RTN4RL1: variants seen among roughly 807,000 people sequenced by gnomAD.
RTN4RL1 encodes reticulon-4 receptor-like 1.
A neutral mutation model predicts 25.6 loss-of-function variants in RTN4RL1; 7 were observed. The observed-to-expected ratio is 0.27, with a 90% CI of 0.16 to 0.51. RTN4RL1 has a LOEUF of 0.51. RTN4RL1 is among the 20% of genes least tolerant of loss of function. The probability of loss-of-function intolerance (pLI) is 0.97; values close to 1 mark genes in which losing one functional copy is unlikely to be tolerated. For synonymous variants in RTN4RL1, 297 were observed against 288.2 expected (o/e 1.03, Z -0.31); for missense variants, 500 against 615.6 (o/e 0.81, Z 1.99).
chr17:1,946,801 G>A (rs8079469), intron 1 of RTN4RL1, among the ~76,000 whole-genome samples: 3,791 of 140,442 alleles, frequency 0.027, 11 homozygotes, highest in South Asian at 0.04. Flanking sequence ...GAATGTGTGC[G>A]TCTCTGTGTG....
At chr17:1,954,287 CTG>C (rs553336182) in intron 1 of RTN4RL1, among the ~76,000 whole-genome samples, 51 of 152,032 alleles carry the variant, frequency 3.4e-4, no homozygotes, top group Admixed American at 2.8e-3. Flanking sequence ...CTGGGCAACT[CTG>C]TGATTTGGCT....
intron 1 of RTN4RL1, among the ~76,000 whole-genome samples, chr17:1,972,067 G>A (rs2066822813): frequency 1.4e-5 from 2 of 142,662 alleles, no homozygotes; most frequent in Admixed American, 1.4e-4. Flanking sequence ...GGGCCCAGGA[G>A]GTCAAGGCTG....
intron 1 of RTN4RL1, among the ~76,000 whole-genome samples, chr17:1,939,629 A>G (rs1915399908): frequency 6.6e-6 from 1 of 152,166 alleles, no homozygotes; most frequent in Non-Finnish European, 1.5e-5. Flanking sequence ...CTAATTGGGC[A>G]TTAATTAGGC....
intron 1 of RTN4RL1, among the ~76,000 whole-genome samples, chr17:1,978,425 G>A (rs1160465622): frequency 1.3e-5 from 2 of 152,258 alleles, no homozygotes; most frequent in East Asian, 1.9e-4. Context: ...TGGAGCAGAA[G>A]CCTTTAGAGG....
Position 1,937,246 on chromosome 17 carries a change from G to C in RTN4RL1, c.576C>G (p.Thr192=), listed in dbSNP as rs779871581. The change falls in exon 2 of 2, where the codon ACC becomes ACG. Residue 192 remains threonine, a synonymous_variant. Coordinates refer to ENST00000331238, the MANE Select transcript of RTN4RL1 (RefSeq NM_178568.4). ...GNKLWSLGPG[T]FRGLVNLDRL... ...GGTCCAGGTTCACCAGGCCCCGGAA[G>C]GTGCCCGGGCCCAGACTCCACAGCT... is the stretch of plus-strand genomic sequence containing the variant. 1 of 1,612,330 alleles carries C rather than the reference G, an allele frequency of 6.2e-7. No homozygotes were observed. The highest frequency in any genetic ancestry group is 8.5e-7 in the Non-Finnish European group (1 of 1,179,874).
At chr17:1,953,234 C>T (rs1400796905) in intron 1 of RTN4RL1, among the ~76,000 whole-genome samples, 4 of 151,926 alleles carry the variant, frequency 2.6e-5, no homozygotes, top group South Asian at 2.1e-4. Flanking sequence ...TAGTTAGAAC[C>T]CATCTCTACA....
chr17:1,964,568 T>C (rs2151311013), intron 1 of RTN4RL1, among the ~76,000 whole-genome samples: 1 of 151,950 alleles, frequency 6.6e-6, no homozygotes, highest in African/African-American at 2.4e-5. Flanking sequence ...CCGTCTCTAC[T>C]AAAAATACAA....
intron 1 of RTN4RL1, among the ~76,000 whole-genome samples, chr17:1,947,646 A>G (rs1387563707): frequency 1.3e-5 from 2 of 152,272 alleles, no homozygotes; most frequent in Non-Finnish European, 2.9e-5. Flanking sequence ...CCTGGCTGGG[A>G]ATGCCGTGCT....
chr17:1,945,617 CT>C (rs1915520710), intron 1 of RTN4RL1, among the ~76,000 whole-genome samples: 1 of 152,088 alleles, frequency 6.6e-6, no homozygotes. Flanking sequence ...TCCCAAAGTG[CT>C]GGGATAACCG....
chr17:1,951,790 CT>C lies in RTN4RL1; in HGVS notation c.14-13983del, dbSNP rs956461106. 4.8e-4 allele frequency among the ~76,000 whole-genome samples: 73 copies of C among 152,340 alleles called. 3 individuals carry two copies. The highest frequency in any genetic ancestry group is 1.5e-3 in the Admixed American group (23 of 15,304). On this transcript the variant is annotated intron_variant, in intron 1 of 1. Transcript: ENST00000331238. ...GTTTTTCAGGAAGAGGGATAATCAA[CT>C]GTGATGAGGACTGCCGAAGACTAAC...
At chr17:1,987,427 T>G (rs1029902140) in intron 1 of RTN4RL1, among the ~76,000 whole-genome samples, 4 of 152,118 alleles carry the variant, frequency 2.6e-5, no homozygotes, top group Non-Finnish European at 5.9e-5. Flanking sequence ...CTTCTGAGAA[T>G]GACGCCAACT....
chr17:2,002,712 G>C (rs974769879), intron 1 of RTN4RL1, among the ~76,000 whole-genome samples: 14 of 151,868 alleles, frequency 9.2e-5, no homozygotes, highest in African/African-American at 3.4e-4. Context: ...TCTCTCTGTT[G>C]AGATTGTGAC....
intron 1 of RTN4RL1, among the ~76,000 whole-genome samples, chr17:1,961,027 C>T (rs1915883812): frequency 2.0e-5 from 3 of 152,180 alleles, no homozygotes; most frequent in Admixed American, 2.0e-4. Flanking sequence ...GAGCACCTTG[C>T]TTAATTATTT....
At position 1,978,679 on chromosome 17, in the gene RTN4RL1, G is replaced by T. The variant is rs112708226; in HGVS notation, c.14-40871C>A. The stretch of plus-strand genomic sequence containing the variant: ...TGCTGTGCGGATTCAGTGAGGTAGT[G>T]CGCACGGAGCATGGAGCGTGGTGCT... On this transcript the variant is annotated intron_variant, in intron 1 of 1. Transcript: ENST00000331238. Among the ~76,000 whole-genome samples, 1,413 of 152,316 alleles carry T rather than the reference G, an allele frequency of 9.3e-3. 14 individuals are homozygous for T. The highest frequency in any genetic ancestry group is 0.027 in the South Asian group (132 of 4,832).
At chr17:1,961,815 GCA>G (rs2066763629) in intron 1 of RTN4RL1, among the ~76,000 whole-genome samples, 1 of 147,962 alleles carries the variant, frequency 6.8e-6, no homozygotes, top group Non-Finnish European at 1.5e-5. Context: ...GGGCGTGGTG[GCA>G]TGTGCCTGTA....
At chr17:1,943,933 AT>A (rs5818843) in intron 1 of RTN4RL1, among the ~76,000 whole-genome samples, 12 of 149,586 alleles carry the variant, frequency 8.0e-5, no homozygotes, top group African/African-American at 1.5e-4. Context: ...TTTGAATCCT[AT>A]TTTTTTTTTA....
At chr17:1,937,856 G>T (rs1567846906) in intron 1 of RTN4RL1, 48 bp from the exon 2 acceptor site, 13 of 1,433,068 alleles carry the variant, frequency 9.1e-6, no homozygotes, top group Non-Finnish European at 1.1e-5. Flanking sequence ...TGCAGGTGAG[G>T]ACTGGCACCG....
At chr17:2,006,519 C>A (rs1314995272) in intron 1 of RTN4RL1, among the ~76,000 whole-genome samples, 3 of 152,018 alleles carry the variant, frequency 2.0e-5, no homozygotes, top group Non-Finnish European at 4.4e-5. Flanking sequence ...GTGGTGCAAT[C>A]ATGGTTCACC....
intron 1 of RTN4RL1, among the ~76,000 whole-genome samples, chr17:2,001,823 A>C (rs1331041478): frequency 6.6e-6 from 1 of 151,618 alleles, no homozygotes; most frequent in Admixed American, 6.6e-5. Context: ...GGCTGCGGGA[A>C]GGGGTGACTG....
Sources: gnomAD v4.1 joint callset for allele counts (sites outside exome capture counted in the v4.1 genomes callset) on GRCh38, gnomAD v4.1.1 for gene constraint, MANE v1.5 for transcripts, NCBI Gene and HGNC (gene_info 2026-07-23, HGNC 2026-07-21) for gene names.